The following FSTL5 variants were observed in gnomAD, a reference collection of about 807,000 sequenced individuals.
The protein encoded by FSTL5 is follistatin like 5.
FSTL5 carries 62 observed loss-of-function variants against 89.1 expected under a neutral mutation model. That is an observed-to-expected ratio of 0.70 (90% confidence interval 0.57 to 0.86). The LOEUF is 0.86. Among genes scored for constraint, FSTL5 ranks in the 40% least tolerant of loss-of-function variants. The probability of loss-of-function intolerance (pLI) is 0.00; values close to 1 mark genes in which losing one functional copy is unlikely to be tolerated. For missense variants in FSTL5, 1,057 were observed against 1,001.6 expected (o/e 1.06, Z -0.75); for synonymous variants, 383 against 346.2 (o/e 1.11, Z -1.18).
intron 6 of FSTL5, among the ~76,000 whole-genome samples, chr4:161,699,238 T>A (rs1393809220): frequency 6.6e-6 from 1 of 152,222 alleles, no homozygotes; most frequent in Non-Finnish European, 1.5e-5. Flanking sequence ...TGTTATTTTT[T>A]AAAACTTTTC....
chr4:161,802,669 A>C (rs1223413762), intron 4 of FSTL5, among the ~76,000 whole-genome samples: 1 of 151,698 alleles, frequency 6.6e-6, no homozygotes, highest in Non-Finnish European at 1.5e-5. Flanking sequence ...TATATCTTCA[A>C]TTTATCTATC....
At chr4:161,863,937 G>A (rs1021509953) in intron 4 of FSTL5, among the ~76,000 whole-genome samples, 1 of 152,126 alleles carries the variant, frequency 6.6e-6, no homozygotes, top group East Asian at 1.9e-4. Flanking sequence ...TGAAAAAAAT[G>A]GTGCTTGTTT....
intron 8 of FSTL5, among the ~76,000 whole-genome samples, chr4:161,568,753 G>C (rs1349981754): frequency 6.6e-6 from 1 of 152,112 alleles, no homozygotes; most frequent in Admixed American, 6.6e-5. Flanking sequence ...TCTTAACCAG[G>C]TCTGTAAGCA....
At chr4:161,509,405 A>C (rs2126498467) in intron 11 of FSTL5, among the ~76,000 whole-genome samples, 1 of 152,326 alleles carries the variant, frequency 6.6e-6, no homozygotes. Context: ...GAAGTGGAAT[A>C]AAAATAGAGG....
intron 15 of FSTL5, among the ~76,000 whole-genome samples, chr4:161,413,281 A>C (rs1731660419): frequency 1.1e-4 from 1 of 9,020 alleles, no homozygotes; most frequent in Non-Finnish European, 3.4e-4. Flanking sequence ...AAAAAAAAAA[A>C]AATAAAGACA....
At chr4:162,086,346 T>C (rs930225989) in intron 2 of FSTL5, among the ~76,000 whole-genome samples, 4 of 151,890 alleles carry the variant, frequency 2.6e-5, no homozygotes, top group African/African-American at 9.7e-5. Flanking sequence ...TATTTCATTC[T>C]CTTCCTCCCT....
At chr4:161,936,020 TA>T (rs988450209) in intron 3 of FSTL5, among the ~76,000 whole-genome samples, 5 of 152,080 alleles carry the variant, frequency 3.3e-5, no homozygotes, top group African/African-American at 1.2e-4. Context: ...CTGTCTCTAC[TA>T]AAAATACAAA....
chr4:161,814,928 TAA>T, intron 4 of FSTL5, among the ~76,000 whole-genome samples: 1 of 152,064 alleles, frequency 6.6e-6, no homozygotes, highest in South Asian at 2.1e-4. Flanking sequence ...AACTAGCATC[TAA>T]GTGCATAGAT....
At chr4:161,821,220 T>G (rs1261718759) in intron 4 of FSTL5, among the ~76,000 whole-genome samples, 1 of 151,968 alleles carries the variant, frequency 6.6e-6, no homozygotes, top group Non-Finnish European at 1.5e-5. Context: ...GTATTTTTTG[T>G]AGACAAGGGG....
At position 161,452,871 on chromosome 4, in the gene FSTL5, A is replaced by T. The variant is rs190545579; in HGVS notation, c.1841+2133T>A. On this transcript the variant is annotated intron_variant, in intron 15 of 15. Transcript: ENST00000306100. Reference sequence around the variant, plus strand: ...ATGATGCTTAAAAATATCCTCAGTTATACTTTTTACTCTTTTTCATAATAT... The same window carrying T: ...ATGATGCTTAAAAATATCCTCAGTTTTACTTTTTACTCTTTTTCATAATAT... Among the ~76,000 whole-genome samples the T allele has an allele frequency of 6.4e-4, 98 of 152,320 alleles. No homozygotes were observed. The Middle Eastern group carries it at 0.01, about 16-fold the overall frequency.
chr4:161,811,168 TGAAAA>T (rs1382356952), intron 4 of FSTL5, among the ~76,000 whole-genome samples: 4 of 151,908 alleles, frequency 2.6e-5, no homozygotes, highest in African/African-American at 7.3e-5. Flanking sequence ...TTTTGTTGAT[TGAAAA>T]GAAAAGTGAG....
intron 7 of FSTL5, among the ~76,000 whole-genome samples, chr4:161,611,226 GTATACATATATATATATATATATATA>G (rs1734632648): frequency 1.1e-5 from 1 of 92,052 alleles, no homozygotes. Context: ...GTGTGTATGT[GTATACATATATATATATATATATATA>G]TATATATATA....
At chr4:161,949,225 A>G (rs1408710580) in intron 3 of FSTL5, among the ~76,000 whole-genome samples, 2 of 151,962 alleles carry the variant, frequency 1.3e-5, no homozygotes, top group African/African-American at 4.8e-5. Flanking sequence ...TCTTTCCCTT[A>G]TAAGGGCCTT....
chr4:161,691,259 C>T (rs767639284), intron 6 of FSTL5, among the ~76,000 whole-genome samples: 7 of 151,908 alleles, frequency 4.6e-5, no homozygotes, highest in Non-Finnish European at 8.8e-5. Context: ...TCCACATGTG[C>T]CTATCCAGTT....
intron 3 of FSTL5, among the ~76,000 whole-genome samples, chr4:162,018,283 C>T (rs1020987814): frequency 4.6e-5 from 7 of 152,074 alleles, no homozygotes; most frequent in Non-Finnish European, 8.8e-5. Context: ...TCAGGACTTA[C>T]CACTTTTAGA....
chr4:161,424,176 C>T (rs1014544609), intron 15 of FSTL5, among the ~76,000 whole-genome samples: 5 of 151,518 alleles, frequency 3.3e-5, no homozygotes, highest in Admixed American at 3.3e-4. Flanking sequence ...CACGCCCAGC[C>T]CTTTCCTAGT....
intron 1 of FSTL5, among the ~76,000 whole-genome samples, chr4:162,117,745 C>T (rs1231019591): frequency 1.3e-5 from 2 of 152,068 alleles, no homozygotes; most frequent in Non-Finnish European, 2.9e-5. Context: ...CTGTATCCAA[C>T]CACAAAGTTA....
At chr4:161,909,267 C>A (rs1733624361) in intron 4 of FSTL5, among the ~76,000 whole-genome samples, 2 of 152,090 alleles carry the variant, frequency 1.3e-5, no homozygotes, top group Admixed American at 1.3e-4. Flanking sequence ...ATAAAGCGGA[C>A]ATAACATAAT....
chr4:161,590,660 G>A (rs959006996), intron 7 of FSTL5, among the ~76,000 whole-genome samples: 1 of 152,174 alleles, frequency 6.6e-6, no homozygotes, highest in Non-Finnish European at 1.5e-5. Context: ...AGCATTACTA[G>A]TCACTAAGGA....
Sources: gnomAD v4.1 joint callset for allele counts (sites outside exome capture counted in the v4.1 genomes callset) on GRCh38, gnomAD v4.1.1 for gene constraint, MANE v1.5 for transcripts, NCBI Gene and HGNC (gene_info 2026-07-23, HGNC 2026-07-21) for gene names.